Variants in KCND2 observed in about 807,000 individuals in gnomAD.
KCND2 encodes A-type voltage-gated potassium channel KCND2.
KCND2 carries 16 observed loss-of-function variants against 54.4 expected under a neutral mutation model. The ratio of observed to expected loss-of-function variants is 0.29; its 90% CI spans 0.20 to 0.45. The LOEUF is 0.45. KCND2 is among the 20% of genes least tolerant of loss of function. The probability of loss-of-function intolerance (pLI) is 1.00; values close to 1 mark genes in which losing one functional copy is unlikely to be tolerated. For missense variants in KCND2, 486 were observed against 824.2 expected (o/e 0.59, Z 5.02); for synonymous variants, 317 against 310.7 (o/e 1.02, Z -0.21).
intron 1 of KCND2, among the ~76,000 whole-genome samples, chr7:120,296,421 A>G (rs2116286341): frequency 6.6e-6 from 1 of 152,254 alleles, no homozygotes; most frequent in African/African-American, 2.4e-5. Context: ...TAATCTCTCA[A>G]AAATGAATTT....
intron 1 of KCND2, among the ~76,000 whole-genome samples, chr7:120,467,457 T>G (rs1242177901): frequency 6.6e-6 from 1 of 152,130 alleles, no homozygotes. Context: ...TAATTTCTGG[T>G]GCATTTGGAG....
At chr7:120,309,476 C>T (rs200411329) in intron 1 of KCND2, among the ~76,000 whole-genome samples, 39,055 of 70,874 alleles carry the variant, frequency 0.55, 12,422 homozygotes, top group South Asian at 0.78. Context: ...TATATATATA[C>T]ACACACACAC....
At chr7:120,404,796 G>C (rs1801326768) in intron 1 of KCND2, among the ~76,000 whole-genome samples, 1 of 138,072 alleles carries the variant, frequency 7.2e-6, no homozygotes, top group African/African-American at 2.7e-5. Context: ...TTTGTCTTTT[G>C]TAGCTCCTCC....
rs1439247342 is a variant in KCND2, at chr7:120,712,351, C to A, written c.1116-20552C>A. Among the ~76,000 whole-genome samples the A allele has an allele frequency of 3.7e-5, 5 of 136,300 alleles. No homozygotes were observed. In the Admixed American group the frequency reaches 4.1e-4, roughly 11 times the overall value. The allele number at this position is 136,300 out of a possible 152,430, so 89.4% of individuals were successfully genotyped here. On this transcript the variant is annotated intron_variant, in intron 1 of 5. Transcript: ENST00000331113. ...TGATCTTGGCTCACTGCAACCTCTGCCTCCCCAGTTCAAGTGATTCTCCTG... is the reference window on the plus strand; with the variant it reads ...TGATCTTGGCTCACTGCAACCTCTGACTCCCCAGTTCAAGTGATTCTCCTG...
chr7:120,492,756 A>G (rs930431625), intron 1 of KCND2, among the ~76,000 whole-genome samples: 3 of 152,074 alleles, frequency 2.0e-5, no homozygotes, highest in African/African-American at 7.2e-5. Context: ...ACCCAACAAC[A>G]TACCTTGGCC....
chr7:120,665,937 TAAC>T (rs1271894991), intron 1 of KCND2, among the ~76,000 whole-genome samples: 1 of 152,084 alleles, frequency 6.6e-6, no homozygotes, highest in Non-Finnish European at 1.5e-5. Context: ...TTTTTACAAA[TAAC>T]AATGTATTAA....
At chr7:120,345,424 A>G (rs1448374322) in intron 1 of KCND2, among the ~76,000 whole-genome samples, 1 of 152,208 alleles carries the variant, frequency 6.6e-6, no homozygotes. Context: ...TATGTAGCAT[A>G]AAATTTACTA....
At chr7:120,583,795 A>G (rs970109866) in intron 1 of KCND2, among the ~76,000 whole-genome samples, 29 of 140,174 alleles carry the variant, frequency 2.1e-4, no homozygotes, top group African/African-American at 7.3e-4. Flanking sequence ...GGGGGGGGGG[A>G]CAAAATTCAG....
intron 1 of KCND2, among the ~76,000 whole-genome samples, chr7:120,398,156 C>CAT (rs1172204267): frequency 7.0e-5 from 9 of 128,106 alleles, no homozygotes; most frequent in African/African-American, 3.4e-4. Context: ...TATGTATATA[C>CAT]ATATATACAC....
chr7:120,466,886 A>G (rs535070550), intron 1 of KCND2, among the ~76,000 whole-genome samples: 2 of 152,200 alleles, frequency 1.3e-5, no homozygotes, highest in South Asian at 4.1e-4. Context: ...CCTATCACCT[A>G]CATTTCTTGG....
At chr7:120,423,576 A>G (rs1801658629) in intron 1 of KCND2, among the ~76,000 whole-genome samples, 1 of 152,220 alleles carries the variant, frequency 6.6e-6, no homozygotes, top group African/African-American at 2.4e-5. Context: ...AAAGCTGTGT[A>G]TCGTGTCTCT....
chr7:120,627,908 A>T lies in KCND2; in HGVS notation c.1116-104995A>T, dbSNP rs115407340. On this transcript the variant is annotated intron_variant, in intron 1 of 5. Coordinates refer to ENST00000331113, the MANE Select transcript of KCND2 (RefSeq NM_012281.3). ...AAAAAATCCATTTATTTGCATACAT[A>T]TAATATTTGCTGTTACCATCACCTT... 7.7e-3 allele frequency among the ~76,000 whole-genome samples: 1,170 copies of T among 152,224 alleles called. 18 individuals carry two copies. The highest frequency in any genetic ancestry group is 0.026 in the African/African-American group (1,089 of 41,560).
chr7:120,697,379 GA>G (rs1279926456), intron 1 of KCND2, among the ~76,000 whole-genome samples: 6 of 152,036 alleles, frequency 3.9e-5, no homozygotes, highest in Non-Finnish European at 5.9e-5. Context: ...GGTATGTGAA[GA>G]TTTTTTTTAT....
chr7:120,347,023 C>T (rs1359584522), intron 1 of KCND2, among the ~76,000 whole-genome samples: 2 of 151,932 alleles, frequency 1.3e-5, no homozygotes, highest in African/African-American at 2.4e-5. Context: ...GTTTGCTAGC[C>T]TTCAATGTCT....
At chr7:120,449,616 A>G (rs1175454602) in intron 1 of KCND2, among the ~76,000 whole-genome samples, 1 of 152,182 alleles carries the variant, frequency 6.6e-6, no homozygotes, top group Non-Finnish European at 1.5e-5. Context: ...GTAAACTGGG[A>G]TGTGAAGACT....
intron 1 of KCND2, among the ~76,000 whole-genome samples, chr7:120,297,596 G>A (rs1799530204): frequency 6.6e-6 from 1 of 152,002 alleles, no homozygotes; most frequent in African/African-American, 2.4e-5. Flanking sequence ...AGATGGAATG[G>A]CAGTTTTATT....
intron 1 of KCND2, among the ~76,000 whole-genome samples, chr7:120,544,627 G>A (rs1273266663): frequency 6.6e-6 from 1 of 151,930 alleles, no homozygotes; most frequent in African/African-American, 2.4e-5. Flanking sequence ...TCTTAAAAAT[G>A]TATGAATCAT....
chr7:120,372,881 C>A (rs1447483147), intron 1 of KCND2, among the ~76,000 whole-genome samples: 4 of 151,930 alleles, frequency 2.6e-5, no homozygotes, highest in Non-Finnish European at 4.4e-5. Flanking sequence ...CTGCCACCAG[C>A]CTTTCAACTA....
chr7:120,337,196 T>C (rs1800163971), intron 1 of KCND2, among the ~76,000 whole-genome samples: 1 of 152,168 alleles, frequency 6.6e-6, no homozygotes, highest in African/African-American at 2.4e-5. Flanking sequence ...ATAATATTGT[T>C]TTTCACCACC....
Sources: gnomAD v4.1 joint callset for allele counts (sites outside exome capture counted in the v4.1 genomes callset) on GRCh38, gnomAD v4.1.1 for gene constraint, MANE v1.5 for transcripts, NCBI Gene and HGNC (gene_info 2026-07-23, HGNC 2026-07-21) for gene names.